The following CERS6 variants were observed in gnomAD, a reference collection of about 807,000 sequenced individuals.
CERS6 encodes ceramide synthase 6.
A neutral mutation model predicts 56.8 loss-of-function variants in CERS6; 26 were observed. The observed-to-expected ratio is 0.46, with a 90% CI of 0.34 to 0.63. CERS6 has a LOEUF of 0.63. Ranked by LOEUF, CERS6 falls within the 30% of genes least tolerant of loss-of-function variation. The pLI, the probability that CERS6 is intolerant of heterozygous loss-of-function variation, is 0.01. For synonymous variants in CERS6, 164 were observed against 173.3 expected, an observed-to-expected ratio of 0.95 and a Z score of 0.42; for missense variants, 415 against 467.5, an observed-to-expected ratio of 0.89 and a Z score of 1.04.
At chr2:168,609,618 C>G (rs1185123696) in intron 3 of CERS6, among the ~76,000 whole-genome samples, 2 of 152,136 alleles carry the variant, frequency 1.3e-5, no homozygotes, top group Non-Finnish European at 2.9e-5. Flanking sequence ...AATGACAGTC[C>G]CCTGTTGAGA....
At chr2:168,732,537 CT>C (rs1275817215) in intron 8 of CERS6, among the ~76,000 whole-genome samples, 1 of 152,204 alleles carries the variant, frequency 6.6e-6, no homozygotes, top group Non-Finnish European at 1.5e-5. Flanking sequence ...CAAAGTAATA[CT>C]TATTTAACTT....
intron 1 of CERS6, among the ~76,000 whole-genome samples, chr2:168,526,532 A>C (rs1695075055): frequency 6.6e-6 from 1 of 152,252 alleles, no homozygotes. Context: ...ACACCAGTGT[A>C]TCATTTAATT....
At chr2:168,476,716 C>T (rs542748562) in intron 1 of CERS6, among the ~76,000 whole-genome samples, 5 of 151,976 alleles carry the variant, frequency 3.3e-5, no homozygotes, top group East Asian at 1.9e-4. Flanking sequence ...TGTCCAGAGG[C>T]GGGAGGAGAA....
intron 4 of CERS6, among the ~76,000 whole-genome samples, chr2:168,673,184 T>G (rs1442288741): frequency 6.6e-6 from 1 of 152,216 alleles, no homozygotes; most frequent in Non-Finnish European, 1.5e-5. Context: ...GAAAATTTTA[T>G]TTTTTAATAC....
intron 8 of CERS6, among the ~76,000 whole-genome samples, chr2:168,762,925 A>G (rs1684621764): frequency 1.3e-5 from 2 of 152,056 alleles, no homozygotes; most frequent in East Asian, 1.9e-4. Context: ...CCCAGGCTGG[A>G]GTGCAGTGGC....
At chr2:168,665,624 T>C (rs548028780) in intron 4 of CERS6, among the ~76,000 whole-genome samples, 1 of 152,334 alleles carries the variant, frequency 6.6e-6, no homozygotes, top group East Asian at 1.9e-4. Flanking sequence ...TCTTACTGTA[T>C]TTATCTGTTG....
In CERS6 at chr2:168,728,451, G is replaced by A. The variant is rs186872889; in HGVS notation, c.845+10473G>A. Among the ~76,000 whole-genome samples the A allele has an allele frequency of 5.3e-3, 762 of 143,300 alleles. 11 individuals carry two copies. Among genetic ancestry groups the A allele is most frequent in the African/African-American group, 0.019 (716 of 38,266 alleles). The allele number at this position is 143,300 out of a possible 152,430, so 94.0% of individuals were successfully genotyped here. ...GTCACCCAAGCTGGAGTGCAATGGC[G>A]CGATCTCGGCTCACTGCAACCTCTG... On this transcript the variant is annotated intron_variant, in intron 8 of 9. Transcript: ENST00000305747.
intron 1 of CERS6, among the ~76,000 whole-genome samples, chr2:168,498,164 A>T (rs902430426): frequency 2.0e-5 from 3 of 152,194 alleles, no homozygotes; most frequent in Non-Finnish European, 2.9e-5. Flanking sequence ...AGTGTTTGCC[A>T]ACATTTAAAA....
chr2:168,633,409 AG>A (rs1264132793), intron 4 of CERS6, among the ~76,000 whole-genome samples: 1 of 152,120 alleles, frequency 6.6e-6, no homozygotes, highest in Non-Finnish European at 1.5e-5. Flanking sequence ...TTCACAGCTC[AG>A]GAGGCAGAAA....
At chr2:168,580,148 A>G (rs1433605252) in intron 3 of CERS6, among the ~76,000 whole-genome samples, 3 of 152,196 alleles carry the variant, frequency 2.0e-5, no homozygotes, top group Admixed American at 6.5e-5. Flanking sequence ...TATAGATAAC[A>G]TATGGTGGGA....
rs1391306242 is a variant in CERS6, at chr2:168,773,385, G to C, written c.*3723G>C. On this transcript the variant is annotated 3_prime_UTR_variant, in exon 10 of 10. Transcript: ENST00000305747. ...AAAGTTAAATGTTTACATTTCATGT[G>C]GTATTTCAGGTCTTCAGGTTCTGAT... The C allele has an allele frequency of 6.6e-6, 1 of 152,104 alleles. No homozygotes were observed. Among genetic ancestry groups the C allele is most frequent in the East Asian group, 1.9e-4 (1 of 5,196 alleles). 9.4% of individuals were successfully genotyped at this position (152,104 alleles called of 1,614,324 possible).
chr2:168,719,255 T>G (rs1034178872), intron 8 of CERS6, among the ~76,000 whole-genome samples: 2 of 152,054 alleles, frequency 1.3e-5, no homozygotes, highest in East Asian at 1.9e-4. Context: ...GGGTATGGGG[T>G]GGGGGAGGCC....
chr2:168,525,436 C>A (rs1199911416), intron 1 of CERS6, among the ~76,000 whole-genome samples: 2 of 152,206 alleles, frequency 1.3e-5, no homozygotes, highest in Non-Finnish European at 2.9e-5. Context: ...TTTGTTAAAA[C>A]ACAAAATCTG....
intron 1 of CERS6, among the ~76,000 whole-genome samples, chr2:168,489,570 A>C (rs1003721637): frequency 4.0e-5 from 6 of 151,042 alleles, no homozygotes; most frequent in African/African-American, 1.5e-4. Flanking sequence ...TGTCTCAACA[A>C]ATTTTTTTTT....
chr2:168,649,666 G>A lies in CERS6; in HGVS notation c.465+18624G>A, dbSNP rs150893588. 2.5e-3 allele frequency among the ~76,000 whole-genome samples: 380 copies of A among 152,084 alleles called. 1 individual carries two copies. Among genetic ancestry groups the A allele is most frequent in the Non-Finnish European group, 4.8e-3 (324 of 67,964 alleles). ...CCCGTAGCAGCTCTGTTTTGCCACT[G>A]GTAGACCTAAGTGCTATCACCCCTT... On this transcript the variant is annotated intron_variant, in intron 4 of 9. Coordinates refer to ENST00000305747, the MANE Select transcript of CERS6 (RefSeq NM_203463.3).
At chr2:168,517,201 A>G (rs1694897882) in intron 1 of CERS6, among the ~76,000 whole-genome samples, 1 of 151,744 alleles carries the variant, frequency 6.6e-6, no homozygotes, top group African/African-American at 2.4e-5. Flanking sequence ...GATTATAAAA[A>G]CAAGCAGAGG....
rs186736692 is a variant in CERS6, at chr2:168,616,402, T to C, written c.408-14583T>C. 1.5e-3 allele frequency among the ~76,000 whole-genome samples: 234 copies of C among 152,288 alleles called. 1 individual carries two copies. Among genetic ancestry groups the C allele is most frequent in the South Asian group, 4.6e-3 (22 of 4,832 alleles). ...CTCACATCTCAATACTAACATTGAATGTAAATGGCCTAAGTGCTCCACTTA... is the reference window on the plus strand; with the variant it reads ...CTCACATCTCAATACTAACATTGAACGTAAATGGCCTAAGTGCTCCACTTA... On this transcript the variant is annotated intron_variant, in intron 3 of 9. Coordinates refer to ENST00000305747, the MANE Select transcript of CERS6 (RefSeq NM_203463.3).
chr2:168,645,109 AAAAAAAAATAT>A (rs1559034004), intron 4 of CERS6, among the ~76,000 whole-genome samples: 2 of 67,332 alleles, frequency 3.0e-5, no homozygotes, highest in African/African-American at 1.1e-4. Flanking sequence ...AAAAAAAAAA[AAAAAAAAATAT>A]ATATATATAT....
rs1693668500 is a variant in CERS6, at chr2:168,456,712, A to C, written c.170+94A>C. 1 of 1,239,506 alleles carries C rather than the reference A, an allele frequency of 8.1e-7. No homozygotes were observed. Among genetic ancestry groups the C allele is most frequent in the Non-Finnish European group, 1.1e-6 (1 of 889,282 alleles). 76.8% of individuals were successfully genotyped at this position (1,239,506 alleles called of 1,614,324 possible). A position where few individuals can be genotyped will look rare whatever the true frequency, so the allele number is the denominator to read the frequency against. ...CTCTGGCGCACGCCCCCGCGCCCCC[A>C]ACGCTCGCGTTCACGCCTCCCAACC... On this transcript the variant is annotated intron_variant, in intron 1 of 9. Transcript: ENST00000305747. The surrounding 1 kb of genome is among the most constrained non-coding windows in gnomAD (Gnocchi z 4.1).
Sources: allele counts gnomAD v4.1 joint callset (sites outside exome capture counted in the v4.1 genomes callset), GRCh38; gene constraint gnomAD v4.1.1; non-coding constraint Gnocchi (gnomAD v3.1); transcripts MANE v1.5; gene names NCBI Gene and HGNC (gene_info 2026-07-23, HGNC 2026-07-21).